The following PJA2 variants were observed in gnomAD, a reference collection of about 807,000 sequenced individuals.
The protein encoded by PJA2 is E3 ubiquitin-protein ligase Praja-2.
In PJA2, 25 loss-of-function variants were observed where a neutral mutation model predicts 69.3. That is an observed-to-expected ratio of 0.36 (90% CI 0.26 to 0.50). PJA2 has a LOEUF of 0.50. Ranked by LOEUF, PJA2 falls within the 20% of genes least tolerant of loss-of-function variation. The probability of loss-of-function intolerance (pLI) is 0.96; values close to 1 mark genes in which losing one functional copy is unlikely to be tolerated. For synonymous variants in PJA2, 308 were observed against 277.8 expected (o/e 1.11, Z -1.08); for missense variants, 809 against 830.2 (o/e 0.97, Z 0.31).
rs745879740 is a variant in PJA2 at position 109,378,781 on chromosome 5, C to T, written c.706G>A (p.Val236Ile). 6.2e-7 allele frequency: 1 copy of T among 1,612,526 alleles called. No individual in the cohort carries two copies. Among genetic ancestry groups the T allele is most frequent in the East Asian group, 2.2e-5 (1 of 44,886 alleles). ...CCAGCAGAACTTTTCACTAATGGTA[C>T]AGAATCTAACTCTTCAAACTCATCT... is the stretch of plus-strand genomic sequence containing the variant. ...VRDEFEELDS[V>I]PLVKSSAGDT... is the part of the protein sequence containing the mutation. The change falls in exon 4 of 10, where the codon GTA becomes ATA. Residue 236 changes from valine (V) to isoleucine (I), a missense_variant. Val to Ile is a conservative substitution (Grantham distance 29, BLOSUM62 3). Transcript: ENST00000361189.
intron 5 of PJA2, among the ~76,000 whole-genome samples, 193 bp downstream of exon 5, chr5:109,368,368 G>A (rs531495355): frequency 1.3e-5 from 2 of 152,144 alleles, no homozygotes; most frequent in African/African-American, 4.8e-5. Flanking sequence ...CTCCATAAAC[G>A]ATACTGAAAT....
At chr5:109,401,670 A>T (rs1250637396) in intron 1 of PJA2, among the ~76,000 whole-genome samples, 1 of 152,234 alleles carries the variant, frequency 6.6e-6, no homozygotes, top group African/African-American at 2.4e-5. Context: ...GAAAAAGTGA[A>T]ACAAAGTATT....
chr5:109,356,033 A>G lies in PJA2; in HGVS notation c.1653-7T>C. On this transcript the variant is annotated splice_polypyrimidine_tract_variant and splice_region_variant and intron_variant, in intron 6 of 9. Transcript: ENST00000361189. The stretch of plus-strand genomic sequence containing the variant: ...TGCAAAGCCATCAAATAGGCTGAAA[A>G]AAAAAAAAAATAACAGAAAAAACTC... The G allele has an allele frequency of 6.3e-7, 1 of 1,593,666 alleles. No homozygotes were observed. Among genetic ancestry groups the G allele is most frequent in the Non-Finnish European group, 8.6e-7 (1 of 1,167,202 alleles).
intron 1 of PJA2, among the ~76,000 whole-genome samples, chr5:109,400,718 A>T (rs1049987728): frequency 6.6e-6 from 1 of 152,128 alleles, no homozygotes; most frequent in Non-Finnish European, 1.5e-5. Context: ...GGTGGCTCAC[A>T]CCTGTAATTC....
At chr5:109,376,309 A>T (rs1323719744) in intron 4 of PJA2, among the ~76,000 whole-genome samples, 1 of 151,816 alleles carries the variant, frequency 6.6e-6, no homozygotes, top group Non-Finnish European at 1.5e-5. Context: ...TCACTTAAGA[A>T]AAAAATTAAA....
intron 1 of PJA2, among the ~76,000 whole-genome samples, chr5:109,388,618 T>TA (rs1203570163): frequency 6.6e-6 from 1 of 152,154 alleles, no homozygotes; most frequent in Non-Finnish European, 1.5e-5. Context: ...TCTACACCCT[T>TA]ATGACTCATC....
intron 1 of PJA2, among the ~76,000 whole-genome samples, chr5:109,406,230 T>C (rs554198112): frequency 1.3e-5 from 2 of 152,164 alleles, no homozygotes; most frequent in East Asian, 3.9e-4. Context: ...TTAGTAGAGA[T>C]GGGGCTTCAC....
intron 7 of PJA2, among the ~76,000 whole-genome samples, chr5:109,349,222 G>A (rs895498191): frequency 1.3e-5 from 2 of 152,180 alleles, no homozygotes; most frequent in African/African-American, 4.8e-5. Flanking sequence ...TCCATTTATG[G>A]AATTATTGCT....
chr5:109,365,104 A>G (rs555719242), intron 5 of PJA2, among the ~76,000 whole-genome samples: 1 of 152,222 alleles, frequency 6.6e-6, no homozygotes, highest in African/African-American at 2.4e-5. Flanking sequence ...GTTTATGCAC[A>G]CTCACTGACC....
chr5:109,398,822 G>C (rs892764762), intron 1 of PJA2, among the ~76,000 whole-genome samples: 14 of 151,956 alleles, frequency 9.2e-5, no homozygotes, highest in Admixed American at 7.2e-4. Context: ...CTAGAGCAGA[G>C]TCAGGAAACA....
At chr5:109,393,190 C>T (rs151178907) in intron 1 of PJA2, among the ~76,000 whole-genome samples, 53 of 152,150 alleles carry the variant, frequency 3.5e-4, no homozygotes, top group Middle Eastern at 3.4e-3. Context: ...CCTGCTGAGA[C>T]GCACTCCAGA....
chr5:109,363,510 T>A lies in PJA2; in HGVS notation c.1470-488A>T, dbSNP rs541802129. ...CTGTTCTTCCTACTTTTGAAACACATGGAGATCATTTCTACCTTGGGGCCA... is the reference window on the plus strand; with the variant it reads ...CTGTTCTTCCTACTTTTGAAACACAAGGAGATCATTTCTACCTTGGGGCCA... On this transcript the variant is annotated intron_variant, in intron 5 of 9. Coordinates refer to ENST00000361189, the MANE Select transcript of PJA2 (RefSeq NM_014819.5). Among the ~76,000 whole-genome samples the A allele has an allele frequency of 5.3e-5, 8 of 152,312 alleles. No homozygotes were observed. The East Asian group carries it at 1.5e-3, about 29-fold the overall frequency.
At position 109,344,775 on chromosome 5, in the gene PJA2, C is replaced by T; in HGVS notation, c.1809G>A (p.Val603=). 3.7e-6 allele frequency: 6 copies of T among 1,614,010 alleles called. No individual in the cohort carries two copies. The highest frequency in any genetic ancestry group is 5.1e-6 in the Non-Finnish European group (6 of 1,179,952). The change falls in exon 8 of 10, where the codon GTG becomes GTA. Residue 603 remains valine, a synonymous_variant. Transcript: ENST00000361189. ...HLESLAVDVE[V]ANPPASKESI... ...TTTCCTTACTAGCTGGTGGATTGGCCACCTCAACATCCACTGCAAGAGACT... is the reference window on the plus strand; with the variant it reads ...TTTCCTTACTAGCTGGTGGATTGGCTACCTCAACATCCACTGCAAGAGACT...
rs1477183159 is a variant in PJA2, at chr5:109,337,348, T to C, written c.2010A>G (p.Thr670=). 6.9e-6 allele frequency: 11 copies of C among 1,599,228 alleles called. No individual in the cohort carries two copies. The highest frequency in any genetic ancestry group is 2.3e-5 in the East Asian group (1 of 44,184). Residue 670 remains threonine, a synonymous_variant, in exon 10 of 10, where the codon ACA becomes ACG. Coordinates refer to ENST00000361189, the MANE Select transcript of PJA2 (RefSeq NM_014819.5). ...GGAAATGACGGCGGCACACAGGGCATGTTCCCGACTGGAGAAAAAAAAAAT... is the reference window on the plus strand; with the variant it reads ...GGAAATGACGGCGGCACACAGGGCACGTTCCCGACTGGAGAAAAAAAAAAT... ...CVSIWLQKSG[T]CPVCRRHFPP...
rs890110545 is a variant in PJA2, at chr5:109,334,806, T to C, written c.*2425A>G. On this transcript the variant is annotated 3_prime_UTR_variant, in exon 10 of 10. Coordinates refer to ENST00000361189, the MANE Select transcript of PJA2 (RefSeq NM_014819.5). The stretch of plus-strand genomic sequence containing the variant: ...TAGAACAATAAACCAACCATTACAT[T>C]TAGACCTGGGCTTTTGAAAAACTTG... The C allele has an allele frequency of 1.3e-5, 2 of 152,622 alleles. No homozygotes were observed. The highest frequency in any genetic ancestry group is 4.8e-5 in the African/African-American group (2 of 41,430). The allele number at this position is 152,622 out of a possible 1,614,324, so 9.5% of individuals were successfully genotyped here.
chr5:109,382,847 CAAAA>C (rs376665394), intron 2 of PJA2, among the ~76,000 whole-genome samples: 1 of 71,044 alleles, frequency 1.4e-5, no homozygotes. Context: ...AACTCCATCT[CAAAA>C]AAAAAAAAAA....
chr5:109,342,899 T>C (rs1358990171), intron 9 of PJA2, among the ~76,000 whole-genome samples: 65 of 40,456 alleles, frequency 1.6e-3, no homozygotes, highest in East Asian at 2.0e-3. Flanking sequence ...TCAGCCCCCC[T>C]GCCCGGCCAG....
At chr5:109,337,754 C>T (rs950061144) in intron 9 of PJA2, among the ~76,000 whole-genome samples, 4 of 151,814 alleles carry the variant, frequency 2.6e-5, no homozygotes, top group African/African-American at 4.8e-5. Flanking sequence ...GTCTATTATG[C>T]GTTTACTAGA....
At chr5:109,377,150 T>G (rs963231598) in intron 4 of PJA2, among the ~76,000 whole-genome samples, 3 of 152,160 alleles carry the variant, frequency 2.0e-5, no homozygotes, top group African/African-American at 7.2e-5. Flanking sequence ...TATAATAAAT[T>G]ACACAATCTG....
Sources: allele counts gnomAD v4.1 joint callset (sites outside exome capture counted in the v4.1 genomes callset), GRCh38; gene constraint gnomAD v4.1.1; transcripts MANE v1.5; gene names NCBI Gene and HGNC (gene_info 2026-07-23, HGNC 2026-07-21).